Variants in PCDHGA2 observed in about 807,000 individuals in gnomAD.
The protein encoded by PCDHGA2 is protocadherin gamma subfamily A, 2.
PCDHGA2 carries 40 observed loss-of-function variants against 59.2 expected under a neutral mutation model. The observed-to-expected ratio is 0.68, with a 90% CI of 0.52 to 0.88. The LOEUF is 0.88. PCDHGA2 is among the 40% of genes least tolerant of loss of function. PCDHGA2 has a pLI of 0.00. For missense variants in PCDHGA2, 1,226 were observed against 1,204.0 expected, an observed-to-expected ratio of 1.02 and a Z score of -0.27; for synonymous variants, 560 against 526.0, an observed-to-expected ratio of 1.06 and a Z score of -0.89.
In PCDHGA2 at chr5:141,352,279, C is replaced by G. The variant is rs757239425; in HGVS notation, c.2424+10884C>G. Reference sequence around the variant, plus strand: ...AAGAGGTATTGCCAGACCTCAGCGACCGCCCTGAGCCCTCTGACCCCCAGA... The same window carrying G: ...AAGAGGTATTGCCAGACCTCAGCGAGCGCCCTGAGCCCTCTGACCCCCAGA... On this transcript the variant is annotated intron_variant, in intron 1 of 3. Coordinates refer to ENST00000394576, the MANE Select transcript of PCDHGA2 (RefSeq NM_018915.4). 1.4e-4 allele frequency: 218 copies of G among 1,613,962 alleles called. No homozygotes were observed. Among genetic ancestry groups the G allele is most frequent in the Non-Finnish European group, 1.8e-4 (212 of 1,179,914 alleles).
chr5:141,407,089 TTTTA>T (rs2094885755), intron 1 of PCDHGA2, among the ~76,000 whole-genome samples: 2 of 152,196 alleles, frequency 1.3e-5, no homozygotes, highest in South Asian at 4.1e-4. Flanking sequence ...TGAAGAATTG[TTTTA>T]TTTGTTTGTA....
chr5:141,358,582 C>G (rs554768302), intron 1 of PCDHGA2, among the ~76,000 whole-genome samples: 44 of 152,264 alleles, frequency 2.9e-4, no homozygotes, highest in Non-Finnish European at 5.4e-4. Flanking sequence ...TGTGTGATTC[C>G]TCTGGTGCAC....
chr5:141,460,649 A>G (rs1171722531), intron 1 of PCDHGA2, among the ~76,000 whole-genome samples: 2 of 152,152 alleles, frequency 1.3e-5, no homozygotes, highest in Non-Finnish European at 2.9e-5. Flanking sequence ...GTGTTTACAC[A>G]TATGTAACTG....
chr5:141,478,199 C>G, intron 1 of PCDHGA2: 1 of 1,614,056 alleles, frequency 6.2e-7, no homozygotes, highest in Non-Finnish European at 8.5e-7. Flanking sequence ...CTTTTATCTA[C>G]TTCTTTCTCT....
At chr5:141,351,158 A>G in intron 1 of PCDHGA2, 1 of 1,614,062 alleles carries the variant, frequency 6.2e-7, no homozygotes, top group South Asian at 1.1e-5. Flanking sequence ...CATCACAACC[A>G]ATGGCACATT....
chr5:141,488,606 C>T (rs781116401), intron 1 of PCDHGA2, among the ~76,000 whole-genome samples: 2 of 152,156 alleles, frequency 1.3e-5, no homozygotes, highest in Admixed American at 1.3e-4. Flanking sequence ...TTACAAGGTT[C>T]TTACTAATCT....
At chr5:141,406,259 ATCT>A (rs1419106691) in intron 1 of PCDHGA2, among the ~76,000 whole-genome samples, 1 of 151,904 alleles carries the variant, frequency 6.6e-6, no homozygotes, top group East Asian at 1.9e-4. Flanking sequence ...GTCTCAAACG[ATCT>A]TCCTGCTTCA....
At chr5:141,386,253 A>G (rs539545859) in intron 1 of PCDHGA2, among the ~76,000 whole-genome samples, 1 of 152,364 alleles carries the variant, frequency 6.6e-6, no homozygotes, top group Admixed American at 6.5e-5. Context: ...AAATAACCCA[A>G]TCTGGGATTA....
intron 1 of PCDHGA2, chr5:141,399,606 G>A: frequency 1.2e-6 from 2 of 1,613,956 alleles, no homozygotes; most frequent in Non-Finnish European, 1.7e-6. Context: ...GCGACCTAGA[G>A]CCTCTGGCAC....
Position 141,485,627 on chromosome 5 carries a change from T to C in PCDHGA2, c.2425-9180T>C. 3 of 1,612,072 alleles carry C rather than the reference T, an allele frequency of 1.9e-6. No individual in the cohort carries two copies. Among genetic ancestry groups the C allele is most frequent in the Non-Finnish European group, 2.5e-6 (3 of 1,178,530 alleles). On this transcript the variant is annotated intron_variant, in intron 1 of 3. Transcript: ENST00000394576. This position sits in a 1 kb window ranked among gnomAD's most constrained non-coding sequence, Gnocchi z 5.7. ...GGAGGCAGCTCCTCCAGGACAGCGT[T>C]TCCCGTTGGAAAAGGCTCAGGATGC...
At chr5:141,347,049 TTCCTCCTTCCTTCCTTCCTTC>T (rs1757852847) in intron 1 of PCDHGA2, among the ~76,000 whole-genome samples, 1 of 147,134 alleles carries the variant, frequency 6.8e-6, no homozygotes, top group Admixed American at 6.7e-5. Flanking sequence ...CTCTCTCTCT[TTCCTCCTTCCTTCCTTCCTTC>T]CTCTCTCTCT....
At chr5:141,415,479 A>G (rs750765604) in intron 1 of PCDHGA2, 19 of 1,613,988 alleles carry the variant, frequency 1.2e-5, no homozygotes, top group South Asian at 2.2e-5. Flanking sequence ...CGGACTCGCG[A>G]AAGAGTCACC....
chr5:141,347,553 G>C (rs567924873), intron 1 of PCDHGA2, among the ~76,000 whole-genome samples: 92 of 152,228 alleles, frequency 6.0e-4, no homozygotes, highest in African/African-American at 2.1e-3. Flanking sequence ...TTGGGAGGCT[G>C]AGGCAGGTGG....
intron 1 of PCDHGA2, chr5:141,427,054 C>T (rs1235803553): frequency 4.4e-6 from 2 of 457,580 alleles, no homozygotes; most frequent in Admixed American, 4.7e-5. Context: ...CCCCCAGGCA[C>T]CTCTGTACTA....
rs182282975 is a variant in PCDHGA2 at position 141,420,903 on chromosome 5, A to G, written c.2425-73904A>G. The G allele has an allele frequency of 1.7e-5, 5 of 296,804 alleles. No individual in the cohort carries two copies. In the Admixed American group the frequency reaches 1.8e-4, roughly 11 times the overall value. The allele number at this position is 296,804 out of a possible 1,614,324, so 18.4% of individuals were successfully genotyped here. On this transcript the variant is annotated intron_variant, in intron 1 of 3. Transcript: ENST00000394576. ...TGTATCATCGTTTTTAAGCTCTACA[A>G]ATACGTGTGATTCACAAAGGTGAGC...
intron 1 of PCDHGA2, chr5:141,352,144 G>A: frequency 6.2e-7 from 1 of 1,612,258 alleles, no homozygotes; most frequent in East Asian, 2.2e-5. Context: ...CGCGTGCCTT[G>A]GGCGACAGGG....
Position 141,429,458 on chromosome 5 carries a change from T to C in PCDHGA2, c.2425-65349T>C, listed in dbSNP as rs561407449. 1.6e-4 allele frequency among the ~76,000 whole-genome samples: 25 copies of C among 152,210 alleles called. 1 individual carries two copies. The South Asian group carries it at 4.6e-3, about 28-fold the overall frequency. ...TCAAACTCTTGGGCTACAGTAATCC[T>C]CCCACCTCAATCTCCAGAGTAGCTG... On this transcript the variant is annotated intron_variant, in intron 1 of 3. Transcript: ENST00000394576.
rs980122657 is a variant in PCDHGA2, at chr5:141,511,379, C to G, written c.*206C>G. The G allele has an allele frequency of 2.9e-5, 34 of 1,169,842 alleles. No individual in the cohort carries two copies. The highest frequency in any genetic ancestry group is 3.9e-5 in the Non-Finnish European group (33 of 853,834). The allele number at this position is 1,169,842 out of a possible 1,614,324, so 72.5% of individuals were successfully genotyped here. ...GGGGGTTGAATATGCAAAAGCAGTT[C>G]CGCTGGGAACCCCCATCCAATCAAC... On this transcript the variant is annotated 3_prime_UTR_variant, in exon 4 of 4. Transcript: ENST00000394576.
At chr5:141,398,416 G>A (rs2093654818) in intron 1 of PCDHGA2, 3 of 1,496,580 alleles carry the variant, frequency 2.0e-6, no homozygotes, top group South Asian at 1.1e-5. Flanking sequence ...GGAGATATGC[G>A]GGAAGAAGCC....
Sources: gnomAD v4.1 joint callset for allele counts (sites outside exome capture counted in the v4.1 genomes callset) on GRCh38, gnomAD v4.1.1 for gene constraint, Gnocchi (gnomAD v3.1) non-coding constraint, MANE v1.5 for transcripts, NCBI Gene and HGNC (gene_info 2026-07-23, HGNC 2026-07-21) for gene names.